Variants in SLC25A21 observed in about 807,000 individuals in gnomAD.
SLC25A21 encodes the protein solute carrier family 25 member 21.
A neutral mutation model predicts 43.8 loss-of-function variants in SLC25A21; 47 were observed. That is an observed-to-expected ratio of 1.07 (90% CI 0.85 to 1.37). The LOEUF is 1.37. Among genes scored for constraint, SLC25A21 ranks in the 40% most tolerant of loss-of-function variants. The pLI is 0.00. For missense variants in SLC25A21, 352 were observed against 350.2 expected, an observed-to-expected ratio of 1.00 and a Z score of -0.04; for synonymous variants, 131 against 121.3, an observed-to-expected ratio of 1.08 and a Z score of -0.52.
intron 1 of SLC25A21, among the ~76,000 whole-genome samples, chr14:36,989,266 T>C (rs1960211996): frequency 6.6e-6 from 1 of 152,180 alleles, no homozygotes; most frequent in Admixed American, 6.5e-5. Context: ...GAGTGTGCAA[T>C]GATCCAGGTG....
intron 2 of SLC25A21, among the ~76,000 whole-genome samples, chr14:36,868,981 G>T (rs1890291711): frequency 6.6e-6 from 1 of 152,144 alleles, no homozygotes; most frequent in African/African-American, 2.4e-5. Flanking sequence ...CTCCCAGCAG[G>T]GTTATCAGGT....
At chr14:37,170,356 T>C (rs1319998271) in intron 1 of SLC25A21, among the ~76,000 whole-genome samples, 2 of 152,076 alleles carry the variant, frequency 1.3e-5, no homozygotes, top group African/African-American at 2.4e-5. Flanking sequence ...CTTTTAACAT[T>C]CTTTGAGTTT....
intron 1 of SLC25A21, among the ~76,000 whole-genome samples, chr14:37,164,405 T>C (rs1162447318): frequency 6.6e-6 from 1 of 152,208 alleles, no homozygotes; most frequent in Non-Finnish European, 1.5e-5. Context: ...CCCTTTGATG[T>C]GTCATAAAGG....
intron 1 of SLC25A21, among the ~76,000 whole-genome samples, chr14:37,012,779 G>A (rs938573975): frequency 1.8e-4 from 28 of 152,320 alleles, no homozygotes; most frequent in African/African-American, 6.5e-4. Context: ...GACACTCAGT[G>A]TAGAACAACT....
Position 37,161,947 on chromosome 14 carries a change from A to G in SLC25A21, c.70+10334T>C, listed in dbSNP as rs186825224. Among the ~76,000 whole-genome samples, 123 of 130,180 alleles carry G rather than the reference A, an allele frequency of 9.4e-4. 1 individual carries two copies. The East Asian group carries it at 0.03, about 31-fold the overall frequency. The allele number at this position is 130,180 out of a possible 152,430, so 85.4% of individuals were successfully genotyped here. A position where few individuals can be genotyped will look rare whatever the true frequency, so the allele number is the denominator to read the frequency against. ...CAATGCACTCCGGCCTGGGCGACAGAGCGAGACTCCGTCTCAAAAAAAAAA... is the reference window on the plus strand; with the variant it reads ...CAATGCACTCCGGCCTGGGCGACAGGGCGAGACTCCGTCTCAAAAAAAAAA... On this transcript the variant is annotated intron_variant, in intron 1 of 9. Coordinates refer to ENST00000331299, the MANE Select transcript of SLC25A21 (RefSeq NM_030631.4).
At chr14:36,897,290 C>G (rs1566720719) in intron 1 of SLC25A21, among the ~76,000 whole-genome samples, 1 of 152,174 alleles carries the variant, frequency 6.6e-6, no homozygotes, top group Non-Finnish European at 1.5e-5. Flanking sequence ...TCATTCATTT[C>G]ATCTTCCATC....
At chr14:36,786,805 G>C (rs1302909127) in intron 3 of SLC25A21, among the ~76,000 whole-genome samples, 1 of 152,152 alleles carries the variant, frequency 6.6e-6, no homozygotes, top group Non-Finnish European at 1.5e-5. Flanking sequence ...AAATCTGAAA[G>C]AGTTTGGCGT....
chr14:36,876,938 TAC>T (rs375516734), intron 1 of SLC25A21, among the ~76,000 whole-genome samples: 2 of 76,636 alleles, frequency 2.6e-5, no homozygotes, highest in African/African-American at 6.8e-5. Context: ...GATAGATAGA[TAC>T]ACACACACAC....
At chr14:37,073,371 T>C (rs553836257) in intron 1 of SLC25A21, among the ~76,000 whole-genome samples, 2 of 152,310 alleles carry the variant, frequency 1.3e-5, no homozygotes, top group South Asian at 4.1e-4. Context: ...CTTTTATTCA[T>C]TATATATCTA....
intron 3 of SLC25A21, among the ~76,000 whole-genome samples, chr14:36,738,210 T>C (rs1298106778): frequency 2.0e-5 from 3 of 152,234 alleles, no homozygotes; most frequent in Non-Finnish European, 2.9e-5. Context: ...CTCAAGCTGA[T>C]AGCTATTCTT....
chr14:37,117,077 GA>G (rs1454789684), intron 1 of SLC25A21, among the ~76,000 whole-genome samples: 1 of 152,044 alleles, frequency 6.6e-6, no homozygotes, highest in Non-Finnish European at 1.5e-5. Context: ...GTTTATAGCT[GA>G]AAAATGTACT....
intron 1 of SLC25A21, among the ~76,000 whole-genome samples, chr14:36,933,836 T>C (rs1227633735): frequency 1.3e-5 from 2 of 152,088 alleles, no homozygotes; most frequent in Non-Finnish European, 2.9e-5. Flanking sequence ...GAGAGCAGAG[T>C]AGAGTTTCCT....
At chr14:37,039,585 C>T (rs1041789791) in intron 1 of SLC25A21, among the ~76,000 whole-genome samples, 2 of 152,158 alleles carry the variant, frequency 1.3e-5, no homozygotes, top group African/African-American at 4.8e-5. Flanking sequence ...TTGAAGGTAT[C>T]ACTACTGCAT....
intron 5 of SLC25A21, 43 bp downstream of exon 5, chr14:36,729,464 G>T: frequency 7.0e-7 from 1 of 1,430,926 alleles, no homozygotes; most frequent in Non-Finnish European, 9.4e-7. Flanking sequence ...TTTGCTTTAT[G>T]AAATAACACA....
In SLC25A21 at chr14:36,838,480, G is replaced by A. The variant is rs1386060448; in HGVS notation, c.120-24479C>T. ...TTGTGTATCTTTTGCTAAATAAATT[G>A]GGACTGCAATATGGACTTACAGAAT... On this transcript the variant is annotated intron_variant, in intron 2 of 9. Transcript: ENST00000331299. Among the ~76,000 whole-genome samples the A allele has an allele frequency of 5.3e-5, 8 of 152,210 alleles. No homozygotes were observed. The East Asian group carries it at 1.5e-3, about 29-fold the overall frequency.
intron 1 of SLC25A21, among the ~76,000 whole-genome samples, chr14:36,956,140 G>T (rs1194192398): frequency 6.6e-6 from 1 of 152,088 alleles, no homozygotes; most frequent in Non-Finnish European, 1.5e-5. Context: ...AAATGAATTA[G>T]CATCACGCTG....
intron 3 of SLC25A21, among the ~76,000 whole-genome samples, chr14:36,762,680 G>A (rs934622629): frequency 6.6e-6 from 1 of 152,176 alleles, no homozygotes; most frequent in African/African-American, 2.4e-5. Context: ...TAGTAGCTGT[G>A]TCACCTTGGG....
intron 7 of SLC25A21, among the ~76,000 whole-genome samples, chr14:36,688,607 C>T (rs996244147): frequency 2.6e-5 from 4 of 152,228 alleles, no homozygotes; most frequent in African/African-American, 9.6e-5. Flanking sequence ...CCACCTCCAG[C>T]AGCCCAGAAC....
chr14:37,018,190 T>C (rs1398491680), intron 1 of SLC25A21, among the ~76,000 whole-genome samples: 5 of 152,052 alleles, frequency 3.3e-5, no homozygotes, highest in Admixed American at 3.3e-4. Context: ...TCTTTACATG[T>C]ACATATACAT....
Sources: allele counts gnomAD v4.1 joint callset (sites outside exome capture counted in the v4.1 genomes callset), GRCh38; gene constraint gnomAD v4.1.1; transcripts MANE v1.5; gene names NCBI Gene and HGNC (gene_info 2026-07-23, HGNC 2026-07-21).